GDPD5: variants seen among roughly 807,000 people sequenced by gnomAD.
GDPD5 encodes glycerophosphodiester phosphodiesterase domain containing 5.
In GDPD5, 48 loss-of-function variants were observed where a neutral mutation model predicts 75.1. The observed-to-expected ratio is 0.64, with a 90% CI of 0.51 to 0.81. The LOEUF is 0.81. Ranked by LOEUF, GDPD5 falls within the 40% of genes least tolerant of loss-of-function variation. The pLI, the probability that GDPD5 is intolerant of heterozygous loss-of-function variation, is 0.00. For missense variants in GDPD5, 706 were observed against 822.6 expected, an observed-to-expected ratio of 0.86 and a Z score of 1.73; for synonymous variants, 336 against 339.0, an observed-to-expected ratio of 0.99 and a Z score of 0.10.
At chr11:75,488,449 C>T (rs1457358565) in intron 2 of GDPD5, among the ~76,000 whole-genome samples, 1 of 152,022 alleles carries the variant, frequency 6.6e-6, no homozygotes, top group South Asian at 2.1e-4. Flanking sequence ...AAGTGGGGCA[C>T]ACCAAGTAAA....
chr11:75,452,768 C>T (rs1197145602), intron 6 of GDPD5: 1 of 152,354 alleles, frequency 6.6e-6, no homozygotes, highest in East Asian at 1.9e-4. Context: ...GCTGATGGAG[C>T]CTTGGTAGGA....
At chr11:75,448,091 C>T (rs558568777) in intron 9 of GDPD5, among the ~76,000 whole-genome samples, 1 of 152,294 alleles carries the variant, frequency 6.6e-6, no homozygotes, top group South Asian at 2.1e-4. Context: ...CCCCTTACTA[C>T]CCTGAGGTCC....
intron 14 of GDPD5, 31 bp downstream of exon 14, chr11:75,441,132 C>T (rs1037740359): frequency 3.1e-6 from 5 of 1,607,284 alleles, no homozygotes; most frequent in African/African-American, 2.7e-5. Flanking sequence ...TCCAGCACTG[C>T]CCCCCAGGGG....
intron 2 of GDPD5, among the ~76,000 whole-genome samples, chr11:75,488,212 T>C (rs1321875960): frequency 6.6e-6 from 1 of 152,088 alleles, no homozygotes; most frequent in Non-Finnish European, 1.5e-5. Context: ...GAAGAGATCC[T>C]GCCCCCACCC....
At chr11:75,516,662 G>C (rs962378447) in intron 1 of GDPD5, among the ~76,000 whole-genome samples, 5 of 152,208 alleles carry the variant, frequency 3.3e-5, no homozygotes, top group Non-Finnish European at 7.3e-5. Context: ...TCCCCAGCAA[G>C]TGCATGCACC....
chr11:75,461,757 T>C (rs1197239433), intron 4 of GDPD5, among the ~76,000 whole-genome samples: 1 of 152,214 alleles, frequency 6.6e-6, no homozygotes, highest in Non-Finnish European at 1.5e-5. Context: ...CTCATCGCCA[T>C]GCTGACCTGA....
Position 75,519,477 on chromosome 11 carries a change from C to A in GDPD5, c.-145+5733G>T, listed in dbSNP as rs141134656. Among the ~76,000 whole-genome samples the A allele has an allele frequency of 1.3e-3, 199 of 152,304 alleles. 1 individual carries two copies. The highest frequency in any genetic ancestry group is 0.01 in the Middle Eastern group (3 of 294). On this transcript the variant is annotated intron_variant, in intron 1 of 16. Transcript: ENST00000336898. ...CCTGGGATTCATTCCAAACGCCTTT[C>A]CTGAGCACCTGTTTTCTCTAAGATC...
intron 3 of GDPD5, among the ~76,000 whole-genome samples, chr11:75,465,416 G>A (rs986736369): frequency 2.6e-5 from 4 of 152,052 alleles, no homozygotes; most frequent in Non-Finnish European, 4.4e-5. Context: ...TCAGAGCTCC[G>A]TAACCCATGC....
At chr11:75,521,255 GC>G (rs1426935584) in intron 1 of GDPD5, among the ~76,000 whole-genome samples, 2 of 152,202 alleles carry the variant, frequency 1.3e-5, no homozygotes, top group Non-Finnish European at 2.9e-5. Context: ...GTCCAACACT[GC>G]CCTTCCTTAG....
chr11:75,522,405 C>T (rs899812000), intron 1 of GDPD5, among the ~76,000 whole-genome samples: 2 of 152,184 alleles, frequency 1.3e-5, no homozygotes, highest in African/African-American at 4.8e-5. Flanking sequence ...CAGACAGCCA[C>T]CTCCCTGACA....
intron 4 of GDPD5, among the ~76,000 whole-genome samples, chr11:75,458,357 C>T (rs751042224): frequency 6.6e-6 from 1 of 152,330 alleles, no homozygotes; most frequent in East Asian, 1.9e-4. Context: ...TTAGTTTCCT[C>T]ACCTATAGGA....
intron 3 of GDPD5, among the ~76,000 whole-genome samples, chr11:75,465,391 G>A (rs995587802): frequency 1.3e-5 from 2 of 152,158 alleles, no homozygotes; most frequent in African/African-American, 4.8e-5. Flanking sequence ...GTCTCACAGG[G>A]TGAATCCCAT....
intron 1 of GDPD5, among the ~76,000 whole-genome samples, chr11:75,518,919 A>C (rs184048757): frequency 3.3e-4 from 51 of 152,290 alleles, no homozygotes; most frequent in Non-Finnish European, 6.6e-4. Flanking sequence ...AAACAGCTGC[A>C]GGATTAACGC....
At chr11:75,515,402 C>T (rs968195667) in intron 1 of GDPD5, among the ~76,000 whole-genome samples, 2 of 152,214 alleles carry the variant, frequency 1.3e-5, no homozygotes, top group Admixed American at 6.5e-5. Flanking sequence ...AAGAACCACA[C>T]CCCCCACCTA....
Position 75,435,670 on chromosome 11 carries a change from G to C in GDPD5, c.1670-15C>G, listed in dbSNP as rs765157828. On this transcript the variant is annotated splice_polypyrimidine_tract_variant and intron_variant, in intron 16 of 16. Coordinates refer to ENST00000336898, the MANE Select transcript of GDPD5 (RefSeq NM_030792.8). ...ATCGCTGATCTCTGCTGGGCCAGAG[G>C]GAGACAGAATGTGAGTCGGGGAGGA... 6.3e-7 allele frequency: 1 copy of C among 1,583,882 alleles called. No homozygotes were observed. The highest frequency in any genetic ancestry group is 2.3e-5 in the East Asian group (1 of 44,092).
intron 8 of GDPD5, 63 bp downstream of exon 8, chr11:75,449,454 A>G (rs1949072592): frequency 2.0e-5 from 30 of 1,465,704 alleles, no homozygotes; most frequent in Non-Finnish European, 2.6e-5. Context: ...AGGTCGGGGC[A>G]GCACCAGCTG....
At chr11:75,472,766 T>G (rs1949697705) in intron 3 of GDPD5, among the ~76,000 whole-genome samples, 1 of 152,108 alleles carries the variant, frequency 6.6e-6, no homozygotes, top group South Asian at 2.1e-4. Flanking sequence ...GAGGACCTCC[T>G]CTGAGTCAGG....
At chr11:75,458,676 A>AT (rs202099257) in intron 4 of GDPD5, among the ~76,000 whole-genome samples, 11 of 146,250 alleles carry the variant, frequency 7.5e-5, no homozygotes, top group African/African-American at 3.0e-4. Context: ...TGTCTCAAAA[A>AT]TAAATAAATA....
intron 5 of GDPD5, among the ~76,000 whole-genome samples, chr11:75,457,397 C>T (rs1209652917): frequency 1.3e-5 from 2 of 152,148 alleles, no homozygotes; most frequent in African/African-American, 4.8e-5. Flanking sequence ...TGCAGCAGCC[C>T]GAGAGGCCCT....
Sources: gnomAD v4.1 joint callset for allele counts (sites outside exome capture counted in the v4.1 genomes callset) on GRCh38, gnomAD v4.1.1 for gene constraint, MANE v1.5 for transcripts, NCBI Gene and HGNC (gene_info 2026-07-23, HGNC 2026-07-21) for gene names.